DENND5B: variants seen among roughly 807,000 people sequenced by gnomAD.
The protein encoded by DENND5B is DENN domain-containing protein 5B.
In DENND5B, 34 loss-of-function variants were observed where a neutral mutation model predicts 140.6. The observed-to-expected ratio is 0.24, with a 90% CI of 0.18 to 0.32. DENND5B has a LOEUF of 0.32. DENND5B is among the 10% of genes least tolerant of loss of function. DENND5B has a pLI of 1.00. For synonymous variants in DENND5B, 551 were observed against 562.1 expected, an observed-to-expected ratio of 0.98 and a Z score of 0.28; for missense variants, 1,142 against 1,560.2, an observed-to-expected ratio of 0.73 and a Z score of 4.52.
At chr12:31,539,093 G>A (rs185617434) in intron 1 of DENND5B, among the ~76,000 whole-genome samples, 1 of 151,856 alleles carries the variant, frequency 6.6e-6, no homozygotes, top group Admixed American at 6.6e-5. Context: ...GATCATTAGT[G>A]GCTGCTATGA....
intron 1 of DENND5B, among the ~76,000 whole-genome samples, chr12:31,520,494 T>C (rs990711418): frequency 3.3e-5 from 5 of 152,174 alleles, no homozygotes; most frequent in African/African-American, 7.2e-5. Context: ...AGAAAGTTAA[T>C]AGAAAGATAA....
intron 1 of DENND5B, among the ~76,000 whole-genome samples, chr12:31,512,867 T>C (rs969433537): frequency 1.3e-5 from 2 of 152,206 alleles, no homozygotes; most frequent in African/African-American, 4.8e-5. Context: ...AATAGTAACA[T>C]CTTACATTAG....
chr12:31,421,739 A>G (rs1049738155), intron 11 of DENND5B, among the ~76,000 whole-genome samples: 4 of 152,032 alleles, frequency 2.6e-5, no homozygotes, highest in Non-Finnish European at 5.9e-5. Context: ...TTTAGTAGAA[A>G]CAGGGTTTCA....
In DENND5B at chr12:31,494,221, TCTAC is replaced by T. The variant is rs1555162966; in HGVS notation, c.237+1585_237+1588del. 6.7e-3 allele frequency among the ~76,000 whole-genome samples: 718 copies of T among 106,550 alleles called. 23 individuals carry two copies. The highest frequency in any genetic ancestry group is 0.022 in the African/African-American group (616 of 28,398). 69.9% of individuals were successfully genotyped at this position (106,550 alleles called of 152,430 possible). A position where few individuals can be genotyped will look rare whatever the true frequency, so the allele number is the denominator to read the frequency against. ...CCATCCACCTACCTACCTACCTACC[TCTAC>T]CTACCTACCTACCTACCTACCTACC... On this transcript the variant is annotated intron_variant, in intron 2 of 20. Coordinates refer to ENST00000389082, the MANE Select transcript of DENND5B (RefSeq NM_144973.4).
chr12:31,451,264 A>G (rs904233681), intron 5 of DENND5B, among the ~76,000 whole-genome samples: 1 of 152,206 alleles, frequency 6.6e-6, no homozygotes, highest in African/African-American at 2.4e-5. Flanking sequence ...TTATAAGGTT[A>G]AACAGTATTA....
intron 11 of DENND5B, 108 bp from the exon 12 acceptor site, chr12:31,415,556 T>G: frequency 1.1e-6 from 1 of 870,452 alleles, no homozygotes; most frequent in Non-Finnish European, 1.7e-6. Context: ...TAACAATATA[T>G]ATCATCTAGC....
chr12:31,507,661 T>A (rs929971846), intron 1 of DENND5B, among the ~76,000 whole-genome samples: 3 of 152,230 alleles, frequency 2.0e-5, no homozygotes, highest in Non-Finnish European at 4.4e-5. Flanking sequence ...GTATTGTAAC[T>A]GCTATTATGA....
intron 2 of DENND5B, among the ~76,000 whole-genome samples, chr12:31,489,620 G>A (rs1012427097): frequency 6.6e-5 from 10 of 152,184 alleles, no homozygotes; most frequent in Admixed American, 1.3e-4. Context: ...TCTACTATGC[G>A]CAAAGCTAGG....
chr12:31,417,658 A>G lies in DENND5B; in HGVS notation c.2471-2210T>C, dbSNP rs534508457. ...GGTTTTGTCTCTTATGTATGAAAGA[A>G]GAAAGATTATTCTCATATAGCAACG... is the stretch of plus-strand genomic sequence containing the variant. On this transcript the variant is annotated intron_variant, in intron 11 of 20. Transcript: ENST00000389082. Among the ~76,000 whole-genome samples the G allele has an allele frequency of 1.2e-3, 190 of 152,252 alleles. 2 individuals carry two copies. The highest frequency in any genetic ancestry group is 2.4e-3 in the Non-Finnish European group (166 of 68,018).
chr12:31,490,280 T>TA (rs1946475618), intron 2 of DENND5B, among the ~76,000 whole-genome samples: 1 of 152,066 alleles, frequency 6.6e-6, no homozygotes. Flanking sequence ...CTTCCAGCAA[T>TA]GGTCCTCCAG....
At chr12:31,395,889 A>G (rs543073045) in intron 17 of DENND5B, among the ~76,000 whole-genome samples, 6 of 148,724 alleles carry the variant, frequency 4.0e-5, no homozygotes, top group African/African-American at 9.9e-5. Context: ...GGCTTGAGTG[A>G]CAGAAATACA....
chr12:31,447,843 T>C (rs1336473015), intron 5 of DENND5B, 74 bp from the exon 6 acceptor site: 12 of 1,032,684 alleles, frequency 1.2e-5, no homozygotes, highest in South Asian at 1.7e-5. Flanking sequence ...CTGAAAATTA[T>C]GTTAACTCAG....
intron 3 of DENND5B, among the ~76,000 whole-genome samples, chr12:31,460,630 T>C (rs769532116): frequency 8.5e-5 from 13 of 152,212 alleles, no homozygotes; most frequent in Admixed American, 3.9e-4. Flanking sequence ...AAATCATGGG[T>C]AGACGAACTT....
At chr12:31,448,386 C>T (rs959608518) in intron 5 of DENND5B, among the ~76,000 whole-genome samples, 4 of 152,152 alleles carry the variant, frequency 2.6e-5, no homozygotes, top group Non-Finnish European at 5.9e-5. Context: ...CCGCCCGCCT[C>T]GGCCTCCCAA....
chr12:31,470,855 G>T (rs548015326), intron 3 of DENND5B, among the ~76,000 whole-genome samples: 2 of 152,300 alleles, frequency 1.3e-5, no homozygotes, highest in Admixed American at 1.3e-4. Context: ...GGGACAATGA[G>T]AGGGTGGGGA....
intron 1 of DENND5B, among the ~76,000 whole-genome samples, chr12:31,571,982 T>C (rs1448845952): frequency 6.6e-6 from 1 of 152,210 alleles, no homozygotes; most frequent in Non-Finnish European, 1.5e-5. Flanking sequence ...CTCAGCACTT[T>C]GGGAGGCCAG....
intron 7 of DENND5B, among the ~76,000 whole-genome samples, chr12:31,437,995 T>C (rs895954303): frequency 1.3e-5 from 2 of 152,252 alleles, no homozygotes; most frequent in African/African-American, 4.8e-5. Context: ...ATTTTTTCTT[T>C]TTTTGAGACG....
chr12:31,457,993 C>T (rs1333693043), intron 4 of DENND5B, among the ~76,000 whole-genome samples: 1 of 152,214 alleles, frequency 6.6e-6, no homozygotes, highest in Admixed American at 6.5e-5. Context: ...GGATTACAGG[C>T]GTGAGCCACC....
At chr12:31,464,062 A>AT (rs60985669) in intron 3 of DENND5B, among the ~76,000 whole-genome samples, 17 of 152,188 alleles carry the variant, frequency 1.1e-4, no homozygotes, top group South Asian at 2.1e-4. Flanking sequence ...TTCTTTAAGC[A>AT]TTTTTTTTAA....
Sources: gnomAD v4.1 joint callset for allele counts (sites outside exome capture counted in the v4.1 genomes callset) on GRCh38, gnomAD v4.1.1 for gene constraint, MANE v1.5 for transcripts, NCBI Gene and HGNC (gene_info 2026-07-23, HGNC 2026-07-21) for gene names.